AGBL1: variants seen among roughly 807,000 people sequenced by gnomAD.
AGBL1 encodes the protein AGBL carboxypeptidase 1, also known as cytosolic carboxypeptidase 4.
A neutral mutation model predicts 118.9 loss-of-function variants in AGBL1; 130 were observed. The ratio of observed to expected loss-of-function variants is 1.09; its 90% CI spans 0.95 to 1.26. The LOEUF (loss-of-function observed/expected upper bound fraction) is 1.26. AGBL1 is among the 50% of genes most tolerant of loss of function. The pLI is 0.00. For missense variants in AGBL1, 1,584 were observed against 1,298.1 expected (o/e 1.22, Z -3.38); for synonymous variants, 555 against 478.9 (o/e 1.16, Z -2.08).
chr15:86,348,236 CAG>C (rs1384204572), intron 17 of AGBL1, among the ~76,000 whole-genome samples: 1 of 152,128 alleles, frequency 6.6e-6, no homozygotes, highest in African/African-American at 2.4e-5. Context: ...AAATAAAAAA[CAG>C]AAGAAATAAA....
chr15:86,477,289 C>T (rs2082573899), intron 18 of AGBL1, among the ~76,000 whole-genome samples: 1 of 151,954 alleles, frequency 6.6e-6, no homozygotes, highest in African/African-American at 2.4e-5. Flanking sequence ...TCAATGAATC[C>T]AGGAGCTGGT....
intron 17 of AGBL1, among the ~76,000 whole-genome samples, chr15:86,307,638 G>C (rs1263639400): frequency 6.6e-6 from 1 of 151,988 alleles, no homozygotes; most frequent in Non-Finnish European, 1.5e-5. Flanking sequence ...AGGGTGGCGT[G>C]TGCCTGTAGT....
intron 24 of AGBL1, among the ~76,000 whole-genome samples, chr15:86,997,490 C>G (rs2081390993): frequency 6.6e-6 from 1 of 152,230 alleles, no homozygotes; most frequent in South Asian, 2.1e-4. Context: ...GTTTATCAAG[C>G]CCCTTTTCAA....
intron 18 of AGBL1, among the ~76,000 whole-genome samples, chr15:86,490,959 T>C (rs1399270281): frequency 2.0e-5 from 3 of 152,168 alleles, no homozygotes; most frequent in Non-Finnish European, 4.4e-5. Context: ...TTCACTTCTA[T>C]TCCATTTCTA....
At chr15:86,361,677 G>C (rs533565109) in intron 17 of AGBL1, among the ~76,000 whole-genome samples, 1 of 152,024 alleles carries the variant, frequency 6.6e-6, no homozygotes, top group East Asian at 1.9e-4. Flanking sequence ...CTATTGAATG[G>C]ATCTTTTTGT....
At chr15:86,644,817 CTG>C (rs2085250097) in intron 21 of AGBL1, among the ~76,000 whole-genome samples, 1 of 126,976 alleles carries the variant, frequency 7.9e-6, no homozygotes, top group South Asian at 2.4e-4. Context: ...ACCAGCCTGA[CTG>C]ACATGGTGAA....
At chr15:86,472,549 A>G (rs1425124610) in intron 18 of AGBL1, among the ~76,000 whole-genome samples, 1 of 152,228 alleles carries the variant, frequency 6.6e-6, no homozygotes. Flanking sequence ...TGTTTGTTAA[A>G]TGTTCTTTAA....
At chr15:86,269,855 T>C in intron 13 of AGBL1, 64 bp from the exon 14 acceptor site, 8 of 1,553,916 alleles carry the variant, frequency 5.1e-6, no homozygotes, top group Admixed American at 1.8e-5. Context: ...TGTAGATTCT[T>C]AGTGTCTGAA....
In AGBL1 at chr15:86,817,546, GACAC is replaced by G. The variant is rs1161288965; in HGVS notation, c.3159-89537_3159-89534del. On this transcript the variant is annotated intron_variant, in intron 22 of 22. Transcript: ENST00000614907. ...ATACACACACACACACACACACACA[GACAC>G]ACAGAGGAGAGAGAGAAAGAGACAG... Among the ~76,000 whole-genome samples, 11 of 107,070 alleles carry G rather than the reference GACAC, an allele frequency of 1.0e-4. 1 individual carries two copies. The South Asian group carries it at 3.0e-3, about 29-fold the overall frequency. 70.2% of individuals were successfully genotyped at this position (107,070 alleles called of 152,430 possible). A position where few individuals can be genotyped will look rare whatever the true frequency, so the allele number is the denominator to read the frequency against.
At chr15:86,957,740 G>T (rs2080945054) in intron 23 of AGBL1, among the ~76,000 whole-genome samples, 1 of 151,972 alleles carries the variant, frequency 6.6e-6, no homozygotes, top group African/African-American at 2.4e-5. Flanking sequence ...TAATAAATGA[G>T]AAGAATCAAT....
chr15:86,147,456 C>G (rs913898843), intron 3 of AGBL1, among the ~76,000 whole-genome samples: 4 of 152,218 alleles, frequency 2.6e-5, no homozygotes, highest in African/African-American at 9.6e-5. Flanking sequence ...CAATGTAATT[C>G]TCTCCTGTGC....
intron 21 of AGBL1, among the ~76,000 whole-genome samples, chr15:86,657,442 G>A (rs1343975661): frequency 6.6e-6 from 1 of 152,160 alleles, no homozygotes; most frequent in Admixed American, 6.5e-5. Flanking sequence ...CAGAACCACT[G>A]TGTGTGGGTA....
intron 22 of AGBL1, among the ~76,000 whole-genome samples, chr15:86,769,106 C>T (rs1427194707): frequency 6.7e-6 from 1 of 149,212 alleles, no homozygotes; most frequent in Non-Finnish European, 1.5e-5. Flanking sequence ...GGGACCTGTA[C>T]ATGCAATGGG....
At chr15:86,574,042 A>G (rs547058505) in intron 21 of AGBL1, among the ~76,000 whole-genome samples, 339 of 151,406 alleles carry the variant, frequency 2.2e-3, no homozygotes, top group Non-Finnish European at 4.1e-3. Context: ...CAAATAAACA[A>G]ACAAACAAAA....
chr15:86,754,258 C>T lies in AGBL1; in HGVS notation c.3158+79822C>T, dbSNP rs930648902. Reference sequence around the variant, plus strand: ...TGTGGAAGCATAGCCTTAATTAGTACTTGTGTTTGTCTTTTCATGCAGATA... The same window carrying T: ...TGTGGAAGCATAGCCTTAATTAGTATTTGTGTTTGTCTTTTCATGCAGATA... On this transcript the variant is annotated intron_variant, in intron 22 of 22. Coordinates refer to ENST00000614907, the MANE Select transcript of AGBL1 (RefSeq NM_001386094.1). Among the ~76,000 whole-genome samples, 8 of 152,034 alleles carry T rather than the reference C, an allele frequency of 5.3e-5. No individual in the cohort carries two copies. The East Asian group carries it at 7.7e-4, about 15-fold the overall frequency.
intron 9 of AGBL1, among the ~76,000 whole-genome samples, 172 bp downstream of exon 9, chr15:86,258,203 A>G (rs1236163664): frequency 6.6e-6 from 1 of 152,186 alleles, no homozygotes; most frequent in East Asian, 1.9e-4. Context: ...TTGATTTCCA[A>G]GTTGTCATTT....
intron 6 of AGBL1, among the ~76,000 whole-genome samples, chr15:86,244,772 C>T (rs1173222300): frequency 1.3e-5 from 2 of 152,098 alleles, no homozygotes; most frequent in Admixed American, 6.5e-5. Flanking sequence ...CTTATGCTGC[C>T]CACGGGGCCC....
intron 21 of AGBL1, among the ~76,000 whole-genome samples, chr15:86,605,023 A>C (rs1386053795): frequency 2.0e-5 from 3 of 151,908 alleles, no homozygotes; most frequent in Non-Finnish European, 4.4e-5. Context: ...TCGAACTCCC[A>C]ACCTCAGGTG....
At chr15:86,644,187 A>G (rs2085239389) in intron 21 of AGBL1, among the ~76,000 whole-genome samples, 1 of 152,210 alleles carries the variant, frequency 6.6e-6, no homozygotes. Flanking sequence ...AGGGAATTAA[A>G]GCAATTCCAA....
Sources: gnomAD v4.1 joint callset for allele counts (sites outside exome capture counted in the v4.1 genomes callset) on GRCh38, gnomAD v4.1.1 for gene constraint, MANE v1.5 for transcripts, NCBI Gene and HGNC (gene_info 2026-07-23, HGNC 2026-07-21) for gene names.